ACTR3C: variants seen among roughly 807,000 people sequenced by gnomAD.
ACTR3C encodes the protein actin-related protein 3C.
A neutral mutation model predicts 26.3 loss-of-function variants in ACTR3C; 18 were observed. That is an observed-to-expected ratio of 0.68 (90% CI 0.47 to 1.01). The LOEUF is 1.01. Ranked by LOEUF, ACTR3C falls within the 50% of genes least tolerant of loss-of-function variation. The pLI, the probability that ACTR3C is intolerant of heterozygous loss-of-function variation, is 0.00. For missense variants in ACTR3C, 184 were observed against 250.7 expected, an observed-to-expected ratio of 0.73 and a Z score of 1.80; for synonymous variants, 55 against 94.5, an observed-to-expected ratio of 0.58 and a Z score of 2.42.
chr7:150,169,717 GCTT>G, the ACTR3C span, among the ~76,000 whole-genome samples: 3 of 150,812 alleles, frequency 2.0e-5, no homozygotes, highest in Non-Finnish European at 2.9e-5. Context: ...AATCATATGA[GCTT>G]ATTATTCTTC....
At chr7:150,055,880 C>T in the ACTR3C span, among the ~76,000 whole-genome samples, 5 of 148,810 alleles carry the variant, frequency 3.4e-5, no homozygotes, top group Middle Eastern at 3.4e-3. Flanking sequence ...TTTTTTAATG[C>T]AATAAAAAAA....
chr7:150,105,088 T>TC, the ACTR3C span, among the ~76,000 whole-genome samples: 1 of 149,674 alleles, frequency 6.7e-6, no homozygotes, highest in East Asian at 1.9e-4. Flanking sequence ...TTTTTTTCTT[T>TC]TTTTTTTTTT....
chr7:150,288,539 T>G (rs905181759), intron 4 of ACTR3C, among the ~76,000 whole-genome samples: 3 of 143,894 alleles, frequency 2.1e-5, no homozygotes, highest in Non-Finnish European at 4.5e-5. Context: ...TGAGCCACTA[T>G]GAAGGGGCTC....
the ACTR3C span, among the ~76,000 whole-genome samples, chr7:149,987,185 C>G: frequency 9.4e-5 from 1 of 10,634 alleles, no homozygotes; most frequent in African/African-American, 1.2e-4. Context: ...GAATTATGTC[C>G]TACCAGAGGA....
At chr7:150,126,933 G>A in the ACTR3C span, among the ~76,000 whole-genome samples, 2 of 152,282 alleles carry the variant, frequency 1.3e-5, no homozygotes, top group East Asian at 3.9e-4. Flanking sequence ...AAAACCAGAT[G>A]TAGATTAAGA....
intron 6 of ACTR3C, among the ~76,000 whole-genome samples, chr7:150,261,701 C>CATAAATAAATAAATAAATAA (rs200953239): frequency 8.3e-5 from 9 of 107,846 alleles, no homozygotes; most frequent in African/African-American, 3.5e-4. Flanking sequence ...GACTCCATCT[C>CATAAATAAATAAATAAATAA]ATAAATAAAT....
the ACTR3C span, among the ~76,000 whole-genome samples, chr7:150,215,278 A>G: frequency 9.2e-5 from 14 of 152,344 alleles, no homozygotes; most frequent in African/African-American, 3.4e-4. Context: ...CAAACGCTTC[A>G]TCAGCTTTTT....
At chr7:150,278,439 G>A (rs566076341) in intron 6 of ACTR3C, among the ~76,000 whole-genome samples, 1 of 152,324 alleles carries the variant, frequency 6.6e-6, no homozygotes, top group South Asian at 2.1e-4. Context: ...TGGAGAGCAC[G>A]GACTCGGATT....
At chr7:149,907,478 T>TCTCTCTCTCTCTCTC in the ACTR3C span, among the ~76,000 whole-genome samples, 154 of 97,668 alleles carry the variant, frequency 1.6e-3, 3 homozygotes, top group Middle Eastern at 6.3e-3. Flanking sequence ...CTCTCTTCTC[T>TCTCTCTCTCTCTCTC]TCTCTCTCTC....
the ACTR3C span, among the ~76,000 whole-genome samples, chr7:150,018,403 T>C: frequency 6.7e-6 from 1 of 149,572 alleles, no homozygotes; most frequent in African/African-American, 2.5e-5. Flanking sequence ...CCTCAATGTT[T>C]TGAATTTAAA....
chr7:150,127,687 C>G, the ACTR3C span, among the ~76,000 whole-genome samples: 4 of 152,080 alleles, frequency 2.6e-5, no homozygotes, highest in Non-Finnish European at 5.9e-5. Flanking sequence ...TCTTTCCACA[C>G]TTTTCACTAA....
chr7:149,969,269 CTGTGTGTGTGTG>C, the ACTR3C span, among the ~76,000 whole-genome samples: 1,099 of 141,514 alleles, frequency 7.8e-3, 14 homozygotes, highest in East Asian at 0.025. Flanking sequence ...TCAGAAAGAG[CTGTGTGTGTGTG>C]TGTGTGTGTG....
the ACTR3C span, among the ~76,000 whole-genome samples, chr7:150,207,713 T>C: frequency 6.6e-6 from 1 of 152,112 alleles, no homozygotes; most frequent in Non-Finnish European, 1.5e-5. Context: ...AGTGGAAGCA[T>C]GGAGAAAGAA....
the ACTR3C span, among the ~76,000 whole-genome samples, chr7:150,037,212 T>TCCCC: frequency 4.5e-5 from 2 of 44,554 alleles, no homozygotes; most frequent in African/African-American, 2.0e-4. Context: ...TAGCTCTCAG[T>TCCCC]AATCCCACGT....
intron 6 of ACTR3C, among the ~76,000 whole-genome samples, chr7:150,255,388 C>T (rs6975720): frequency 0.044 from 6,638 of 151,794 alleles, 463 homozygotes; most frequent in African/African-American, 0.15. Context: ...TTGACTTGAA[C>T]GCTAGTAGGC....
the ACTR3C span, among the ~76,000 whole-genome samples, chr7:149,893,989 A>G: frequency 6.6e-6 from 1 of 152,206 alleles, no homozygotes; most frequent in Non-Finnish European, 1.5e-5. Flanking sequence ...ATCTTAAGCA[A>G]AAAGAAGAAA....
chr7:150,006,886 G>A, the ACTR3C span, among the ~76,000 whole-genome samples: 4 of 152,082 alleles, frequency 2.6e-5, no homozygotes, highest in Non-Finnish European at 5.9e-5. Context: ...CTTCTCAATA[G>A]GCATATCCAC....
At chr7:150,095,854 T>C in the ACTR3C span, among the ~76,000 whole-genome samples, 60 of 150,686 alleles carry the variant, frequency 4.0e-4, 4 homozygotes, top group African/African-American at 1.4e-3. Context: ...AATTGTAACA[T>C]TGGGAACAAA....
the ACTR3C span, among the ~76,000 whole-genome samples, chr7:150,097,508 A>T: frequency 2.0e-5 from 3 of 151,706 alleles, no homozygotes; most frequent in Non-Finnish European, 4.4e-5. Flanking sequence ...TGAGCAAAGC[A>T]GTTCTTGTAA....
Sources: gnomAD v4.1 joint callset for allele counts (sites outside exome capture counted in the v4.1 genomes callset) on GRCh38, gnomAD v4.1.1 for gene constraint, MANE v1.5 for transcripts, NCBI Gene and HGNC (gene_info 2026-07-23, HGNC 2026-07-21) for gene names.